Variants in HS1BP3 observed in about 807,000 individuals in gnomAD.
HS1BP3 encodes the protein HCLS1 binding protein 3, also known as HCLS1-binding protein 3.
In HS1BP3, 32 loss-of-function variants were observed where a neutral mutation model predicts 33.5. The ratio of observed to expected loss-of-function variants is 0.95; its 90% CI spans 0.72 to 1.28. The LOEUF is 1.28. Ranked by LOEUF, HS1BP3 falls within the 50% of genes most tolerant of loss-of-function variation. The probability of loss-of-function intolerance (pLI) is 0.00; values close to 1 mark genes in which losing one functional copy is unlikely to be tolerated. For missense variants in HS1BP3, 486 were observed against 502.3 expected (o/e 0.97, Z 0.31); for synonymous variants, 187 against 209.2 (o/e 0.89, Z 0.92).
At chr2:20,595,414 A>ATCC (rs530088537) in intron 3 of HS1BP3, among the ~76,000 whole-genome samples, 2 of 152,100 alleles carry the variant, frequency 1.3e-5, no homozygotes, top group Admixed American at 1.3e-4. Context: ...GAACCCTATC[A>ATCC]TCCTCCTCCT....
chr2:20,567,058 G>A (rs1693147026), intron 5 of HS1BP3, among the ~76,000 whole-genome samples: 1 of 152,162 alleles, frequency 6.6e-6, no homozygotes, highest in Non-Finnish European at 1.5e-5. Context: ...GTGCCTGCAT[G>A]TGCTAGAAGC....
intron 6 of HS1BP3, among the ~76,000 whole-genome samples, chr2:20,620,787 A>C (rs572613147): frequency 6.6e-6 from 1 of 152,376 alleles, no homozygotes; most frequent in African/African-American, 2.4e-5. Flanking sequence ...GGCTGTATGT[A>C]CTGATGTCTA....
Position 20,611,037 on chromosome 2 carries a change from A to G in HS1BP3, c.179-12772T>C, listed in dbSNP as rs1375977899. Among the ~76,000 whole-genome samples, 1 of 152,100 alleles carries G rather than the reference A, an allele frequency of 6.6e-6. No homozygotes were observed. Among genetic ancestry groups the G allele is most frequent in the Non-Finnish European group, 1.5e-5 (1 of 68,024 alleles). On this transcript the variant is annotated intron_variant, in intron 2 of 3. Transcript: ENST00000415264. This position sits in a 1 kb window ranked among gnomAD's most constrained non-coding sequence, Gnocchi z 4.9. ...AATTTTGCCTTTTCTAGGGTTTCATATATGTGGGATCATACAAGATATAGT... is the reference window on the plus strand; with the variant it reads ...AATTTTGCCTTTTCTAGGGTTTCATGTATGTGGGATCATACAAGATATAGT...
chr2:20,590,537 C>T (rs1346001562), downstream of HS1BP3, among the ~76,000 whole-genome samples: 4 of 152,248 alleles, frequency 2.6e-5, no homozygotes, highest in Admixed American at 1.3e-4. Flanking sequence ...AGCTGTTGCT[C>T]TGTCAACCTC....
At chr2:20,588,441 C>T (rs1010426265), downstream of HS1BP3, among the ~76,000 whole-genome samples, 5 of 152,146 alleles carry the variant, frequency 3.3e-5, no homozygotes, top group Admixed American at 6.5e-5. Context: ...CTCAGCCTCC[C>T]GAGTAGCTGG....
At chr2:20,588,029 G>A (rs1384537136), downstream of HS1BP3, among the ~76,000 whole-genome samples, 1 of 151,962 alleles carries the variant, frequency 6.6e-6, no homozygotes, top group Non-Finnish European at 1.5e-5. Context: ...GTGGGGATAG[G>A]AGGCACTCTC....
downstream of HS1BP3, among the ~76,000 whole-genome samples, chr2:20,557,309 A>G (rs187192899): frequency 0.011 from 1,750 of 152,334 alleles, 13 homozygotes; most frequent in Non-Finnish European, 0.019. Context: ...CCTTCCAGAC[A>G]AAGACCTGTA....
At chr2:20,625,800 G>T (rs892338606) in intron 4 of HS1BP3, among the ~76,000 whole-genome samples, 1 of 152,182 alleles carries the variant, frequency 6.6e-6, no homozygotes, top group Non-Finnish European at 1.5e-5. Flanking sequence ...TGATCCAGGC[G>T]GTAGTTACGG....
chr2:20,591,878 T>TGA (rs1165336109), downstream of HS1BP3, among the ~76,000 whole-genome samples: 1 of 152,176 alleles, frequency 6.6e-6, no homozygotes, highest in Non-Finnish European at 1.5e-5. Context: ...GTGATCTTTC[T>TGA]GAGAGTTTCT....
At chr2:20,603,208 C>T (rs1369125159) in intron 2 of HS1BP3, among the ~76,000 whole-genome samples, 2 of 152,120 alleles carry the variant, frequency 1.3e-5, no homozygotes, top group Non-Finnish European at 2.9e-5. Flanking sequence ...CCATATAATC[C>T]AGCAATTCTA....
chr2:20,575,580 C>T (rs1693378600), intron 5 of HS1BP3, among the ~76,000 whole-genome samples: 1 of 152,200 alleles, frequency 6.6e-6, no homozygotes, highest in Non-Finnish European at 1.5e-5. Context: ...CCCTGGAGGC[C>T]CCGCCACATG....
In HS1BP3 at chr2:20,637,038, C is replaced by CAA. The variant is rs1553322970; in HGVS notation, c.623+1397_623+1398insTT. 19 of 141,432 alleles carry CAA rather than the reference C, an allele frequency of 1.3e-4. No homozygotes were observed. In the South Asian group the frequency reaches 1.4e-3, roughly 11 times the overall value. 8.8% of individuals were successfully genotyped at this position (141,432 alleles called of 1,614,324 possible). A position where few individuals can be genotyped will look rare whatever the true frequency, so the allele number is the denominator to read the frequency against. ...GCTGGGGAGGGGGCTGCCCCCGCCC[C>CAA]CCCCGCCCCGCCAAGGGGTCCCAGG... is the stretch of plus-strand genomic sequence containing the variant. On this transcript the variant is annotated intron_variant, in intron 4 of 6. Coordinates refer to ENST00000304031, the MANE Select transcript of HS1BP3 (RefSeq NM_022460.4).
chr2:20,584,352 T>C (rs1693630023), intron 5 of HS1BP3, among the ~76,000 whole-genome samples: 1 of 152,188 alleles, frequency 6.6e-6, no homozygotes, highest in African/African-American at 2.4e-5. Context: ...GGGGAAGGAC[T>C]GGGGTGTGCC....
At chr2:20,578,691 C>T (rs1179394496) in intron 5 of HS1BP3, among the ~76,000 whole-genome samples, 2 of 152,208 alleles carry the variant, frequency 1.3e-5, no homozygotes, top group Non-Finnish European at 2.9e-5. Flanking sequence ...ATGGGTGAGG[C>T]ACTGGGCGTA....
chr2:20,587,344 G>C (rs1693705027), intron 5 of HS1BP3, among the ~76,000 whole-genome samples: 1 of 152,222 alleles, frequency 6.6e-6, no homozygotes, highest in Non-Finnish European at 1.5e-5. Context: ...GAATGACATA[G>C]CTACATAGAA....
At chr2:20,627,417 A>G (rs370868144) in intron 4 of HS1BP3, among the ~76,000 whole-genome samples, 4 of 152,348 alleles carry the variant, frequency 2.6e-5, no homozygotes, top group African/African-American at 9.6e-5. Flanking sequence ...CAGAGAGGGA[A>G]GCGAGCCATC....
At chr2:20,591,231 C>T (rs572754433), downstream of HS1BP3, 3 of 167,296 alleles carry the variant, frequency 1.8e-5, no homozygotes, top group Non-Finnish European at 4.4e-5. Flanking sequence ...TGCTGCCAGC[C>T]CCTTCCTCCA....
chr2:20,629,836 G>A (rs771893514), intron 4 of HS1BP3, among the ~76,000 whole-genome samples: 2 of 152,342 alleles, frequency 1.3e-5, no homozygotes, highest in African/African-American at 2.4e-5. Flanking sequence ...GGCAGCTGCC[G>A]CGGCTGACAG....
chr2:20,614,797 C>T (rs370711645), downstream of HS1BP3, among the ~76,000 whole-genome samples: 13 of 152,338 alleles, frequency 8.5e-5, no homozygotes, highest in East Asian at 1.2e-3. Flanking sequence ...GTCGGCTTAC[C>T]GAGGCCACAT....
Sources: allele counts gnomAD v4.1 joint callset (sites outside exome capture counted in the v4.1 genomes callset), GRCh38; gene constraint gnomAD v4.1.1; non-coding constraint Gnocchi (gnomAD v3.1); transcripts MANE v1.5; gene names NCBI Gene and HGNC (gene_info 2026-07-23, HGNC 2026-07-21).